CLIC4: variants seen among roughly 807,000 people sequenced by gnomAD.
CLIC4 encodes chloride intracellular channel protein 4.
Under a neutral mutation model 24.6 loss-of-function variants are expected in CLIC4, and 13 were observed. The ratio of observed to expected loss-of-function variants is 0.53; its 90% confidence interval spans 0.34 to 0.84. The LOEUF (loss-of-function observed/expected upper bound fraction) is 0.84, where lower values mean the gene tolerates loss of function less well. CLIC4 is among the 40% of genes least tolerant of loss of function. The pLI is 0.01. For missense variants in CLIC4, 227 were observed against 301.7 expected (o/e 0.75, Z 1.83); for synonymous variants, 104 against 111.3 (o/e 0.93, Z 0.41).
At chr1:24,811,045 C>T (rs1639609036) in intron 2 of CLIC4, among the ~76,000 whole-genome samples, 1 of 149,336 alleles carries the variant, frequency 6.7e-6, no homozygotes, top group Non-Finnish European at 1.5e-5. Context: ...CACCACTGCA[C>T]TTCAGCCTGG....
intron 1 of CLIC4, among the ~76,000 whole-genome samples, chr1:24,765,995 A>G (rs1291952762): frequency 1.3e-5 from 2 of 151,568 alleles, no homozygotes; most frequent in Non-Finnish European, 2.9e-5. Flanking sequence ...AAATTTGTTT[A>G]AATTTTAATT....
chr1:24,790,301 A>G (rs1639318263), intron 1 of CLIC4, among the ~76,000 whole-genome samples: 1 of 152,190 alleles, frequency 6.6e-6, no homozygotes, highest in South Asian at 2.1e-4. Flanking sequence ...TAAACGCCTG[A>G]CCTCAGGTGA....
chr1:24,745,516 G>C lies in CLIC4; in HGVS notation c.-38G>C, dbSNP rs1226115847. On this transcript the variant is annotated 5_prime_UTR_variant, in exon 1 of 6. Coordinates refer to ENST00000374379, the MANE Select transcript of CLIC4 (RefSeq NM_013943.3). ...CGGAGCAGAAGCAGCAGCAGCAGCA[G>C]CAGCCCTCGCCGTTCGCGGAGCGCA... 6 of 1,547,690 alleles carry C rather than the reference G, an allele frequency of 3.9e-6. No homozygotes were observed. The highest frequency in any genetic ancestry group is 5.2e-6 in the Non-Finnish European group (6 of 1,146,858).
chr1:24,770,539 C>T lies in CLIC4; in HGVS notation c.72+24914C>T, dbSNP rs116819505. On this transcript the variant is annotated intron_variant, in intron 1 of 5. Transcript: ENST00000374379. ...CCAAACTGATTAGTCTTATAGTCTG[C>T]CTGCCTTTGCTTCTTTAAAAAAAGA... 8.1e-3 allele frequency among the ~76,000 whole-genome samples: 1,235 copies of T among 152,168 alleles called. 9 individuals are homozygous for T. Among genetic ancestry groups the T allele is most frequent in the African/African-American group, 0.027 (1,106 of 41,514 alleles).
chr1:24,802,513 T>A (rs1024601390), intron 2 of CLIC4, among the ~76,000 whole-genome samples: 2 of 152,098 alleles, frequency 1.3e-5, no homozygotes, highest in African/African-American at 4.8e-5. Flanking sequence ...AATTGAAGCT[T>A]ATATTTTTTG....
intron 1 of CLIC4, among the ~76,000 whole-genome samples, chr1:24,750,466 C>T (rs1340271164): frequency 3.6e-5 from 5 of 138,702 alleles, no homozygotes; most frequent in Non-Finnish European, 3.1e-5. Context: ...GACGGAGTTT[C>T]GCTCTTGTTA....
intron 1 of CLIC4, among the ~76,000 whole-genome samples, chr1:24,777,662 AT>A (rs1639157302): frequency 6.6e-6 from 1 of 152,148 alleles, no homozygotes. Context: ...TGTCAATACA[AT>A]TGTCGCTACC....
rs1446060002 is a variant in CLIC4 at position 24,798,678 on chromosome 1, T to C, written c.182+827T>C. 3.3e-5 allele frequency among the ~76,000 whole-genome samples: 5 copies of C among 152,234 alleles called. No individual in the cohort carries two copies. The East Asian group carries it at 9.6e-4, about 29-fold the overall frequency. ...TCCCTCTCTTTCCACGGTCTCCCTC[T>C]CTTTCCACGGTCTCCCTCTCATGCG... On this transcript the variant is annotated intron_variant, in intron 2 of 5. Transcript: ENST00000374379.
intron 3 of CLIC4, among the ~76,000 whole-genome samples, chr1:24,820,071 ATATATATG>A (rs1413076729): frequency 0.034 from 1,309 of 38,156 alleles, 85 homozygotes; most frequent in African/African-American, 0.098. Flanking sequence ...AAGTATGTAT[ATATATATG>A]TATATATATA....
chr1:24,780,047 C>T (rs1201837138), intron 1 of CLIC4, among the ~76,000 whole-genome samples: 1 of 152,196 alleles, frequency 6.6e-6, no homozygotes, highest in Non-Finnish European at 1.5e-5. Flanking sequence ...TTTCCCCTCC[C>T]ACCAGTGGAA....
intron 3 of CLIC4, among the ~76,000 whole-genome samples, chr1:24,816,364 T>C (rs6681923): frequency 0.98 from 148,140 of 151,936 alleles, 72,304 homozygotes; most frequent in South Asian, 1. Flanking sequence ...TTCAGCCTCC[T>C]GAGTAGCTGG....
intron 2 of CLIC4, among the ~76,000 whole-genome samples, chr1:24,806,767 A>G (rs1198229883): frequency 6.6e-6 from 1 of 152,186 alleles, no homozygotes; most frequent in Non-Finnish European, 1.5e-5. Flanking sequence ...TAAAAGTGGT[A>G]ATGGCTTTCA....
At chr1:24,779,632 C>G (rs1639180101) in intron 1 of CLIC4, among the ~76,000 whole-genome samples, 1 of 152,156 alleles carries the variant, frequency 6.6e-6, no homozygotes, top group African/African-American at 2.4e-5. Flanking sequence ...GGATTTATTT[C>G]CCTTTCCATC....
intron 1 of CLIC4, among the ~76,000 whole-genome samples, chr1:24,785,082 C>CTT (rs71577732): frequency 1.7e-4 from 23 of 137,504 alleles, no homozygotes; most frequent in South Asian, 2.3e-4. Context: ...TTATGTAGAC[C>CTT]TTTTTTTTTT....
chr1:24,810,870 G>A (rs982939448), intron 2 of CLIC4, among the ~76,000 whole-genome samples: 1 of 151,728 alleles, frequency 6.6e-6, no homozygotes, highest in Non-Finnish European at 1.5e-5. Context: ...CGGATCATGA[G>A]GTCAGGAGAC....
intron 4 of CLIC4, among the ~76,000 whole-genome samples, chr1:24,828,167 A>G (rs947022320): frequency 2.0e-5 from 3 of 152,216 alleles, no homozygotes; most frequent in African/African-American, 7.2e-5. Context: ...TTATTATAAA[A>G]TGCTGCAATT....
intron 2 of CLIC4, among the ~76,000 whole-genome samples, chr1:24,809,844 A>T (rs1406157641): frequency 6.6e-6 from 1 of 152,248 alleles, no homozygotes; most frequent in Non-Finnish European, 1.5e-5. Context: ...ACTTAATAAC[A>T]AGATAAACAG....
At chr1:24,753,944 A>G (rs1469800655) in intron 1 of CLIC4, among the ~76,000 whole-genome samples, 1 of 152,194 alleles carries the variant, frequency 6.6e-6, no homozygotes, top group Admixed American at 6.5e-5. Flanking sequence ...TGATGCTGAA[A>G]ACTGTTCTGG....
chr1:24,775,175 T>G (rs1007017168), intron 1 of CLIC4, among the ~76,000 whole-genome samples: 2 of 151,840 alleles, frequency 1.3e-5, no homozygotes, highest in Non-Finnish European at 2.9e-5. Context: ...CAATGTGTTG[T>G]TTTTTTCTAG....
Sources: allele counts gnomAD v4.1 joint callset (sites outside exome capture counted in the v4.1 genomes callset), GRCh38; gene constraint gnomAD v4.1.1; transcripts MANE v1.5; gene names NCBI Gene and HGNC (gene_info 2026-07-23, HGNC 2026-07-21).